Variants in STAU2 observed in about 807,000 individuals in gnomAD.
The protein encoded by STAU2 is double-stranded RNA-binding protein Staufen homolog 2.
STAU2 carries 20 observed loss-of-function variants against 65.9 expected under a neutral mutation model. The ratio of observed to expected loss-of-function variants is 0.30; its 90% CI spans 0.21 to 0.44. The LOEUF (loss-of-function observed/expected upper bound fraction) is 0.44, where lower values mean the gene tolerates loss of function less well. Among genes scored for constraint, STAU2 ranks in the 20% least tolerant of loss-of-function variants. The pLI, the probability that STAU2 is intolerant of heterozygous loss-of-function variation, is 1.00. For synonymous variants in STAU2, 232 were observed against 233.9 expected, an observed-to-expected ratio of 0.99 and a Z score of 0.07; for missense variants, 558 against 683.9, an observed-to-expected ratio of 0.82 and a Z score of 2.05.
At chr8:73,560,632 C>T (rs887936462) in intron 12 of STAU2, among the ~76,000 whole-genome samples, 5 of 152,090 alleles carry the variant, frequency 3.3e-5, no homozygotes, top group Non-Finnish European at 5.9e-5. Context: ...ACAGTACCAA[C>T]GGGAAAATGC....
At chr8:73,429,533 A>T (rs1817106676) in intron 13 of STAU2, among the ~76,000 whole-genome samples, 1 of 142,376 alleles carries the variant, frequency 7.0e-6, no homozygotes, top group African/African-American at 2.6e-5. Context: ...CCCAAGCTCG[A>T]GTGATTCTCC....
intron 13 of STAU2, among the ~76,000 whole-genome samples, chr8:73,525,190 C>T (rs1277056566): frequency 6.6e-6 from 1 of 152,152 alleles, no homozygotes; most frequent in Non-Finnish European, 1.5e-5. Flanking sequence ...CTGAAAGTTT[C>T]TATCTTAAAA....
In STAU2 at chr8:73,741,679, AT is replaced by A. The variant is rs373852786; in HGVS notation, c.-196-1812del. On this transcript the variant is annotated intron_variant, in intron 1 of 14. Transcript: ENST00000524300. ...AGGTACACACCACCATGCCTGGCTA[AT>A]TTTTGTATTTTTTGTAGAGACGGGG... Among the ~76,000 whole-genome samples the A allele has an allele frequency of 6.6e-3, 997 of 151,988 alleles. 20 individuals carry two copies. Among genetic ancestry groups the A allele is most frequent in the African/African-American group, 0.023 (948 of 41,462 alleles).
chr8:73,434,325 A>C (rs935739066), intron 13 of STAU2, among the ~76,000 whole-genome samples: 3 of 151,274 alleles, frequency 2.0e-5, no homozygotes, highest in Admixed American at 2.0e-4. Context: ...GGCAGTGCTG[A>C]CTCCTGATTT....
At chr8:73,479,473 C>CACACACACAT (rs1820496752) in intron 13 of STAU2, among the ~76,000 whole-genome samples, 1 of 10,754 alleles carries the variant, frequency 9.3e-5, no homozygotes, top group Admixed American at 1.4e-3. Context: ...CCCTATTCTG[C>CACACACACAT]ACACACACAC....
intron 13 of STAU2, among the ~76,000 whole-genome samples, chr8:73,523,101 C>A (rs1455817036): frequency 6.9e-6 from 1 of 145,442 alleles, no homozygotes; most frequent in Non-Finnish European, 1.5e-5. Context: ...GAGGCTGAGG[C>A]AGGAGAATCA....
At chr8:73,532,135 T>C (rs1805860282) in intron 13 of STAU2, among the ~76,000 whole-genome samples, 1 of 152,114 alleles carries the variant, frequency 6.6e-6, no homozygotes, top group African/African-American at 2.4e-5. Context: ...AACATTGAAA[T>C]AGAGGTCATA....
intron 4 of STAU2, among the ~76,000 whole-genome samples, chr8:73,705,139 G>A (rs1820421283): frequency 6.6e-6 from 1 of 152,024 alleles, no homozygotes; most frequent in Non-Finnish European, 1.5e-5. Flanking sequence ...ATAATTATTT[G>A]GGTACCTCCA....
intron 13 of STAU2, among the ~76,000 whole-genome samples, chr8:73,494,839 A>G (rs1437904756): frequency 6.6e-6 from 1 of 151,376 alleles, no homozygotes; most frequent in Non-Finnish European, 1.5e-5. Flanking sequence ...TTTTAACGGA[A>G]GTTTTGTTAA....
In STAU2 at chr8:73,525,126, C is replaced by T. The variant is rs1156563025; in HGVS notation, c.1530+26886G>A. Among the ~76,000 whole-genome samples the T allele has an allele frequency of 1.3e-5, 2 of 152,218 alleles. 1 individual carries two copies. The highest frequency in any genetic ancestry group is 4.1e-4 in the South Asian group (2 of 4,826). On this transcript the variant is annotated intron_variant, in intron 13 of 14. Coordinates refer to ENST00000524300, the MANE Select transcript of STAU2 (RefSeq NM_001164380.2). ...GTACAGGATGATTATTCCTGTCCAACATTTATTCCAGTCATTTATTCATCT... is the reference window on the plus strand; with the variant it reads ...GTACAGGATGATTATTCCTGTCCAATATTTATTCCAGTCATTTATTCATCT...
rs902849928 is a variant in STAU2, at chr8:73,476,643, A to G, written c.1531-53941T>C. 3.9e-5 allele frequency among the ~76,000 whole-genome samples: 6 copies of G among 152,354 alleles called. No individual in the cohort carries two copies. The South Asian group carries it at 1.2e-3, about 32-fold the overall frequency. ...CAAGATTAAACTAGGCTTTAAAAAC[A>G]ACCATTGATGAAAATGAATTAACAA... On this transcript the variant is annotated intron_variant, in intron 13 of 14. Coordinates refer to ENST00000524300, the MANE Select transcript of STAU2 (RefSeq NM_001164380.2).
intron 12 of STAU2, among the ~76,000 whole-genome samples, chr8:73,570,236 T>C (rs1193197494): frequency 1.3e-5 from 2 of 152,008 alleles, no homozygotes; most frequent in Non-Finnish European, 2.9e-5. Context: ...ATTAAACTAA[T>C]GAAATAAAGC....
intron 13 of STAU2, among the ~76,000 whole-genome samples, chr8:73,499,468 G>C (rs1471604043): frequency 6.6e-6 from 1 of 151,842 alleles, no homozygotes; most frequent in Non-Finnish European, 1.5e-5. Context: ...GTCAGTCATG[G>C]CAAAAGAAGG....
intron 13 of STAU2, among the ~76,000 whole-genome samples, chr8:73,469,714 C>T (rs918382565): frequency 6.6e-6 from 1 of 152,062 alleles, no homozygotes; most frequent in Non-Finnish European, 1.5e-5. Context: ...AGCAGATTAA[C>T]AAGTGGCTGC....
At chr8:73,528,774 C>T (rs1235068607) in intron 13 of STAU2, among the ~76,000 whole-genome samples, 1 of 151,998 alleles carries the variant, frequency 6.6e-6, no homozygotes, top group Non-Finnish European at 1.5e-5. Context: ...GAGTTAGTTC[C>T]TTGTCTTGGT....
intron 13 of STAU2, among the ~76,000 whole-genome samples, chr8:73,526,419 T>A (rs574797875): frequency 5.3e-5 from 8 of 152,336 alleles, no homozygotes; most frequent in African/African-American, 1.9e-4. Flanking sequence ...TAGAAAGGTA[T>A]GTCCTTAAGA....
chr8:73,442,493 CTG>C (rs1208157444), intron 13 of STAU2, among the ~76,000 whole-genome samples: 1 of 152,080 alleles, frequency 6.6e-6, no homozygotes, highest in Non-Finnish European at 1.5e-5. Context: ...GAGATTTACT[CTG>C]TGTTTGAATA....
intron 3 of STAU2, among the ~76,000 whole-genome samples, chr8:73,737,293 C>G (rs1280271098): frequency 6.6e-6 from 1 of 152,018 alleles, no homozygotes. Flanking sequence ...GCCTCAGCCT[C>G]CCGAGTAGCT....
intron 13 of STAU2, among the ~76,000 whole-genome samples, chr8:73,536,434 C>A (rs1227081757): frequency 1.3e-5 from 2 of 152,136 alleles, no homozygotes; most frequent in Non-Finnish European, 2.9e-5. Context: ...GCAATAACTG[C>A]CCTACTCCAG....
Sources: allele counts gnomAD v4.1 joint callset (sites outside exome capture counted in the v4.1 genomes callset), GRCh38; gene constraint gnomAD v4.1.1; transcripts MANE v1.5; gene names NCBI Gene and HGNC (gene_info 2026-07-23, HGNC 2026-07-21).